The following OGFOD1 variants were observed in gnomAD, a reference collection of about 807,000 sequenced individuals.
OGFOD1 encodes 2-oxoglutarate and iron dependent oxygenase domain containing 1, also known as prolyl 3-hydroxylase OGFOD1.
Under a neutral mutation model 67.7 loss-of-function variants are expected in OGFOD1, and 54 were observed. The ratio of observed to expected loss-of-function variants is 0.80; its 90% CI spans 0.64 to 1.00. OGFOD1 has a LOEUF of 1.00. Among genes scored for constraint, OGFOD1 ranks in the 50% least tolerant of loss-of-function variants. The pLI is 0.00. For synonymous variants in OGFOD1, 221 were observed against 227.0 expected (o/e 0.97, Z 0.24); for missense variants, 606 against 646.7 (o/e 0.94, Z 0.68).
Position 56,467,965 on chromosome 16 carries a change from AT to A in OGFOD1, c.849del (p.Gln284LysfsTer12), listed in dbSNP as rs1372286188. On this transcript the variant is annotated frameshift_variant, in exon 8 of 13. Coordinates refer to ENST00000566157, the MANE Select transcript of OGFOD1 (RefSeq NM_018233.4). LOFTEE classifies it high-confidence loss of function. ...TCTGGACATGGATTACCAAGTTCAA[AT>A]TCAAGAAGAGTTTGAAGAAAGTTCT... ...TYLDMDYQVQ[I>X]QEEFEESSEI... The A allele has an allele frequency of 1.2e-6, 2 of 1,608,528 alleles. No individual in the cohort carries two copies. Among genetic ancestry groups the A allele is most frequent in the East Asian group, 4.5e-5 (2 of 44,850 alleles).
chr16:56,467,936 C>T lies in OGFOD1; in HGVS notation c.818C>T (p.Thr273Ile). Reference protein sequence around the residue: ...HEILYDWINPTYLDMDYQVQI... With the variant: ...HEILYDWINPIYLDMDYQVQI... ...ATTTTGTATGATTGGATCAACCCTA[C>T]TTATCTGGACATGGATTACCAAGTT... is the stretch of plus-strand genomic sequence containing the variant. Residue 273 changes from threonine to isoleucine, a missense_variant, in exon 8 of 13, where the codon ACT becomes ATT. Transcript: ENST00000566157. 3 of 1,605,398 alleles carry T rather than the reference C, an allele frequency of 1.9e-6. No homozygotes were observed. The highest frequency in any genetic ancestry group is 2.6e-6 in the Non-Finnish European group (3 of 1,172,134).
chr16:56,455,404 AT>A (rs1294644180), intron 2 of OGFOD1, among the ~76,000 whole-genome samples: 26 of 152,012 alleles, frequency 1.7e-4, no homozygotes, highest in Admixed American at 1.7e-3. Context: ...ATAAGGCAAA[AT>A]AATAAAAAGA....
chr16:56,462,470 C>T, intron 3 of OGFOD1, 64 bp from the exon 4 acceptor site: 1 of 983,596 alleles, frequency 1.0e-6, no homozygotes, highest in Non-Finnish European at 1.6e-6. Context: ...GGCCTAGATC[C>T]AAACAGTTGT....
At position 56,465,806 on chromosome 16, in the gene OGFOD1, C is replaced by T. The variant is rs139717169; in HGVS notation, c.449-346C>T. 2.1e-3 allele frequency: 434 copies of T among 203,670 alleles called. 1 individual carries two copies. Among genetic ancestry groups the T allele is most frequent in the Non-Finnish European group, 3.7e-3 (362 of 99,048 alleles). 12.6% of individuals were successfully genotyped at this position (203,670 alleles called of 1,614,324 possible). ...TATATTGATAGGGAAAGATACTTGC[C>T]ATGTAATTTAAAAAGCAGGCCACAA... On this transcript the variant is annotated intron_variant, in intron 4 of 12. Coordinates refer to ENST00000566157, the MANE Select transcript of OGFOD1 (RefSeq NM_018233.4).
intron 1 of OGFOD1, among the ~76,000 whole-genome samples, chr16:56,452,474 C>G (rs1483024161): frequency 6.6e-6 from 1 of 152,236 alleles, no homozygotes; most frequent in East Asian, 1.9e-4. Flanking sequence ...GTGTTCAGAG[C>G]TCTGCTTCAT....
At chr16:56,457,829 A>G (rs1248009125) in intron 2 of OGFOD1, among the ~76,000 whole-genome samples, 5 of 152,142 alleles carry the variant, frequency 3.3e-5, no homozygotes, top group East Asian at 1.9e-4. Flanking sequence ...GCAGGCATGC[A>G]CCACCACGCC....
In OGFOD1 at chr16:56,468,002, TGAA is replaced by T. The variant is rs1962977929; in HGVS notation, c.886_888del (p.Lys296del). 6.4e-7 allele frequency: 1 copy of T among 1,561,698 alleles called. No individual in the cohort carries two copies. Among genetic ancestry groups the T allele is most frequent in the Admixed American group, 1.7e-5 (1 of 59,880 alleles). ...TTTGAAGAAAGTTCTGAAATTCTCC[TGAA>T]GGAGTTTCTTAAGGTAAGCTTAGCG... On this transcript the variant is annotated inframe_deletion, in exon 8 of 13. Transcript: ENST00000566157.
chr16:56,459,398 A>G (rs1962637622), intron 3 of OGFOD1, among the ~76,000 whole-genome samples: 1 of 152,176 alleles, frequency 6.6e-6, no homozygotes, highest in East Asian at 1.9e-4. Flanking sequence ...AAGATTCCAT[A>G]CAAGATTACT....
intron 7 of OGFOD1, 110 bp downstream of exon 7, chr16:56,467,403 C>T: frequency 5.8e-6 from 7 of 1,204,140 alleles, no homozygotes; most frequent in Non-Finnish European, 4.6e-6. Flanking sequence ...GAGCTTGCCC[C>T]TTTCCACTTT....
intron 10 of OGFOD1, among the ~76,000 whole-genome samples, chr16:56,473,809 CCTT>C (rs762387396): frequency 8.6e-5 from 13 of 151,230 alleles, no homozygotes; most frequent in Non-Finnish European, 1.3e-4. Flanking sequence ...GGAGTATTAA[CCTT>C]CTTTTTTTTT....
chr16:56,454,813 A>G (rs750921259), intron 2 of OGFOD1: 45 of 444,396 alleles, frequency 1.0e-4, no homozygotes, highest in Middle Eastern at 6.7e-4. Flanking sequence ...CCTTCCCCAG[A>G]TCTTTCTGTC....
At chr16:56,455,339 C>A (rs1471015152) in intron 2 of OGFOD1, among the ~76,000 whole-genome samples, 1 of 150,988 alleles carries the variant, frequency 6.6e-6, no homozygotes, top group African/African-American at 2.4e-5. Context: ...TGTACTCCAG[C>A]CTGGGTGACA....
At chr16:56,454,493 C>CTTT (rs77913439) in intron 2 of OGFOD1, among the ~76,000 whole-genome samples, 7 of 136,638 alleles carry the variant, frequency 5.1e-5, no homozygotes, top group East Asian at 2.1e-4. Flanking sequence ...AAGACTATCT[C>CTTT]TTTTTTTTTT....
intron 2 of OGFOD1, among the ~76,000 whole-genome samples, chr16:56,457,908 G>A (rs111415921): frequency 6.6e-5 from 10 of 152,298 alleles, no homozygotes; most frequent in African/African-American, 2.4e-4. Flanking sequence ...TCGAACTCCT[G>A]ACCTCATGAT....
chr16:56,455,221 G>A (rs1962485012), intron 2 of OGFOD1, among the ~76,000 whole-genome samples: 1 of 152,056 alleles, frequency 6.6e-6, no homozygotes, highest in African/African-American at 2.4e-5. Context: ...CAAAAAATTA[G>A]CCAGGCGTGG....
intron 2 of OGFOD1, among the ~76,000 whole-genome samples, chr16:56,456,277 T>C (rs1347387341): frequency 6.6e-6 from 1 of 152,202 alleles, no homozygotes; most frequent in African/African-American, 2.4e-5. Context: ...TTTGCTAGGT[T>C]TTCCTCTTCC....
intron 2 of OGFOD1, among the ~76,000 whole-genome samples, chr16:56,454,615 G>A (rs1596964310): frequency 6.8e-6 from 1 of 147,216 alleles, no homozygotes; most frequent in Non-Finnish European, 1.5e-5. Context: ...TGAATCCTTT[G>A]TAAACCTCAG....
chr16:56,468,944 G>GCCA (rs1360777236), intron 8 of OGFOD1, among the ~76,000 whole-genome samples: 1 of 152,176 alleles, frequency 6.6e-6, no homozygotes, highest in Non-Finnish European at 1.5e-5. Flanking sequence ...GTCCCATGGA[G>GCCA]CCATGGTCCC....
At position 56,476,378 on chromosome 16, in the gene OGFOD1, T is replaced by C. The variant is rs1429786636; in HGVS notation, c.*173T>C. On this transcript the variant is annotated 3_prime_UTR_variant, in exon 13 of 13. Coordinates refer to ENST00000566157, the MANE Select transcript of OGFOD1 (RefSeq NM_018233.4). The stretch of plus-strand genomic sequence containing the variant: ...ATTGTCCTCAACCGAGACCTTGAGC[T>C]TGCAGCTAAGTACTTATCTCTTGAT... 2.0e-6 allele frequency: 1 copy of C among 490,100 alleles called. No homozygotes were observed. Among genetic ancestry groups the C allele is most frequent in the South Asian group, 4.8e-5 (1 of 20,822 alleles). The allele number at this position is 490,100 out of a possible 1,614,324, so 30.4% of individuals were successfully genotyped here. A position where few individuals can be genotyped will look rare whatever the true frequency, so the allele number is the denominator to read the frequency against.
Sources: allele counts gnomAD v4.1 joint callset (sites outside exome capture counted in the v4.1 genomes callset), GRCh38; gene constraint gnomAD v4.1.1; transcripts MANE v1.5; gene names NCBI Gene and HGNC (gene_info 2026-07-23, HGNC 2026-07-21).